Variants in SNX29 observed in about 807,000 individuals in gnomAD.
The protein encoded by SNX29 is sorting nexin 29.
A neutral mutation model predicts 102.1 loss-of-function variants in SNX29; 78 were observed. The ratio of observed to expected loss-of-function variants is 0.76; its 90% CI spans 0.64 to 0.92. The LOEUF is 0.92. SNX29 is among the 40% of genes least tolerant of loss of function. The pLI is 0.00. For missense variants in SNX29, 1,280 were observed against 1,061.7 expected (o/e 1.21, Z -2.86); for synonymous variants, 580 against 414.5 (o/e 1.40, Z -4.85).
chr16:12,213,242 T>C lies in SNX29; in HGVS notation c.1678+13559T>C, dbSNP rs181124602. Among the ~76,000 whole-genome samples, 13 of 152,084 alleles carry C rather than the reference T, an allele frequency of 8.5e-5. No homozygotes were observed. The East Asian group carries it at 1.9e-3, about 23-fold the overall frequency. ...GTGAAGTAACTCAGGAACAGAAAAA[T>C]AGCACATCCTCTAACTTAGAAGTGG... On this transcript the variant is annotated intron_variant, in intron 14 of 20. Transcript: ENST00000566228.
At chr16:12,525,355 T>G (rs948892613) in intron 20 of SNX29, among the ~76,000 whole-genome samples, 41 of 151,922 alleles carry the variant, frequency 2.7e-4, no homozygotes, top group African/African-American at 9.4e-4. Context: ...TTAAAAGAGT[T>G]TACATATTAT....
In SNX29 at chr16:12,240,461, T is replaced by A. The variant is rs145164895; in HGVS notation, c.1679-37472T>A. Among the ~76,000 whole-genome samples the A allele has an allele frequency of 3.7e-3, 557 of 152,296 alleles. 4 individuals carry two copies. Among genetic ancestry groups the A allele is most frequent in the African/African-American group, 0.013 (530 of 41,550 alleles). ...ATTGACCATTTGTTGTTTTGTTTGC[T>A]GTCAGTTTTTTAGTATTGAGTCTAT... On this transcript the variant is annotated intron_variant, in intron 14 of 20. Transcript: ENST00000566228.
chr16:12,381,169 C>T (rs2083123964), intron 16 of SNX29, among the ~76,000 whole-genome samples: 1 of 55,282 alleles, frequency 1.8e-5, no homozygotes, highest in Non-Finnish European at 3.7e-5. Flanking sequence ...ACCATCCATC[C>T]ATCCACCCAC....
chr16:12,400,720 T>G (rs921486070), intron 17 of SNX29, among the ~76,000 whole-genome samples: 2 of 152,186 alleles, frequency 1.3e-5, no homozygotes, highest in African/African-American at 4.8e-5. Flanking sequence ...TATATACACC[T>G]GACAACAAAG....
At chr16:12,374,781 A>G (rs7189401) in intron 16 of SNX29, 112,003 of 151,996 alleles carry the variant, frequency 0.74, 42,002 homozygotes, top group Middle Eastern at 0.83. Context: ...GAATCTCTTC[A>G]ATGGGACCTG....
chr16:12,181,471 G>A (rs2076383447), intron 13 of SNX29, among the ~76,000 whole-genome samples: 1 of 152,216 alleles, frequency 6.6e-6, no homozygotes, highest in Non-Finnish European at 1.5e-5. Context: ...CTCCAAAGGA[G>A]GCAACCAGAT....
At chr16:12,538,462 C>G (rs754255353) in intron 20 of SNX29, among the ~76,000 whole-genome samples, 4 of 152,134 alleles carry the variant, frequency 2.6e-5, no homozygotes, top group Non-Finnish European at 5.9e-5. Context: ...TATCACGTAT[C>G]TCCTATGTTG....
At chr16:12,083,868 T>C (rs4781175) in intron 11 of SNX29, among the ~76,000 whole-genome samples, 35,671 of 152,182 alleles carry the variant, frequency 0.23, 4,963 homozygotes, top group African/African-American at 0.39. Flanking sequence ...TAATAATCTG[T>C]GGAGGTGGCT....
chr16:12,527,826 CTT>C (rs767257136), intron 20 of SNX29, among the ~76,000 whole-genome samples: 17 of 138,326 alleles, frequency 1.2e-4, no homozygotes, highest in Admixed American at 2.2e-4. Context: ...TCTTCTTCTT[CTT>C]TTTTTTTTTT....
At chr16:12,538,017 A>G (rs1417854765) in intron 20 of SNX29, among the ~76,000 whole-genome samples, 3 of 151,494 alleles carry the variant, frequency 2.0e-5, no homozygotes, top group African/African-American at 4.8e-5. Context: ...TCTGCCATTT[A>G]TAGACCAAAA....
At chr16:12,252,249 C>G (rs536729519) in intron 14 of SNX29, among the ~76,000 whole-genome samples, 1 of 151,740 alleles carries the variant, frequency 6.6e-6, no homozygotes, top group South Asian at 2.1e-4. Flanking sequence ...TTAAATGAAA[C>G]TCTTCCTCTT....
chr16:12,556,857 AATTT>A (rs2078386090), intron 20 of SNX29, among the ~76,000 whole-genome samples: 1 of 150,776 alleles, frequency 6.6e-6, no homozygotes, highest in Non-Finnish European at 1.5e-5. Context: ...GAAAAAATTG[AATTT>A]TTTTTTTTTG....
intron 13 of SNX29, among the ~76,000 whole-genome samples, chr16:12,156,483 T>G (rs2055555414): frequency 3.3e-5 from 5 of 152,210 alleles, no homozygotes; most frequent in African/African-American, 1.2e-4. Flanking sequence ...TCTTGGAGTC[T>G]TAGGAAGGGG....
chr16:12,288,232 T>TCCATCAGACATGCCCGTGGGTG (rs1337503670), intron 15 of SNX29, among the ~76,000 whole-genome samples: 1 of 152,150 alleles, frequency 6.6e-6, no homozygotes, highest in Admixed American at 6.5e-5. Flanking sequence ...GAAGCAGCTT[T>TCCATCAGACATGCCCGTGGGTG]CCATCAGACA....
chr16:12,055,741 T>C (rs2050492653), intron 8 of SNX29, among the ~76,000 whole-genome samples: 1 of 152,172 alleles, frequency 6.6e-6, no homozygotes, highest in Non-Finnish European at 1.5e-5. Context: ...ACCCACATTA[T>C]GCAGCGTAAT....
chr16:12,519,781 G>T (rs2090021990), intron 19 of SNX29, among the ~76,000 whole-genome samples: 1 of 152,138 alleles, frequency 6.6e-6, no homozygotes, highest in South Asian at 2.1e-4. Context: ...CTGAGGGCAG[G>T]AGTATCACCT....
chr16:12,523,135 A>T (rs141197710), intron 19 of SNX29, among the ~76,000 whole-genome samples: 4 of 152,244 alleles, frequency 2.6e-5, no homozygotes, highest in African/African-American at 9.6e-5. Flanking sequence ...TTCACCGGGG[A>T]CCAGGGCACG....
intron 3 of SNX29, among the ~76,000 whole-genome samples, chr16:12,015,815 G>T (rs771943548): frequency 4.0e-5 from 6 of 151,768 alleles, no homozygotes; most frequent in Admixed American, 6.6e-5. Context: ...GATTACAGGC[G>T]CCTGAGCCAC....
intron 11 of SNX29, among the ~76,000 whole-genome samples, chr16:12,110,450 A>G (rs539033477): frequency 6.6e-6 from 1 of 152,220 alleles, no homozygotes; most frequent in South Asian, 2.1e-4. Context: ...CAGACCATAG[A>G]CTGTGATGAA....
Sources: gnomAD v4.1 joint callset for allele counts (sites outside exome capture counted in the v4.1 genomes callset) on GRCh38, gnomAD v4.1.1 for gene constraint, MANE v1.5 for transcripts, NCBI Gene and HGNC (gene_info 2026-07-23, HGNC 2026-07-21) for gene names.